Variants in CNBD2 observed in about 807,000 individuals in gnomAD.
CNBD2 encodes cyclic nucleotide-binding domain-containing protein 2.
In CNBD2, 64 loss-of-function variants were observed where a neutral mutation model predicts 63.7. The ratio of observed to expected loss-of-function variants is 1.00; its 90% CI spans 0.82 to 1.24. The LOEUF (loss-of-function observed/expected upper bound fraction) is 1.24, where lower values mean the gene tolerates loss of function less well. Among genes scored for constraint, CNBD2 ranks in the 50% most tolerant of loss-of-function variants. CNBD2 has a pLI of 0.00. For missense variants in CNBD2, 691 were observed against 713.5 expected, an observed-to-expected ratio of 0.97 and a Z score of 0.36; for synonymous variants, 229 against 255.4, an observed-to-expected ratio of 0.90 and a Z score of 0.99.
rs2056438927 is a variant in CNBD2 at position 35,972,712 on chromosome 20, A to G, written c.135A>G (p.Glu45=). ...GCCAAGGCCTCAGGGGATTCCGGGA[A>G]TATCAAATCATTGAGACTGCTCACT... ...MFRQGLRGFR[E]YQIIETAHWK... The change falls in exon 2 of 12, where the codon GAA becomes GAG. Residue 45 remains glutamate, a synonymous_variant. Coordinates refer to ENST00000373973, the MANE Select transcript of CNBD2 (RefSeq NM_001365709.1). 6.2e-7 allele frequency: 1 copy of G among 1,614,120 alleles called. No homozygotes were observed. The highest frequency in any genetic ancestry group is 8.5e-7 in the Non-Finnish European group (1 of 1,179,968).
At chr20:36,008,779 G>A (rs913628664) in intron 9 of CNBD2, among the ~76,000 whole-genome samples, 9 of 152,286 alleles carry the variant, frequency 5.9e-5, no homozygotes, top group South Asian at 2.1e-4. Flanking sequence ...CTGTCAGTCT[G>A]TGTGTTTCTG....
At chr20:35,970,420 A>G (rs2056396171) in intron 1 of CNBD2, among the ~76,000 whole-genome samples, 1 of 152,108 alleles carries the variant, frequency 6.6e-6, no homozygotes, top group South Asian at 2.1e-4. Flanking sequence ...TTTTTGAGAC[A>G]GAGTCTCACT....
At chr20:35,999,321 A>T (rs1188327357) in intron 8 of CNBD2, among the ~76,000 whole-genome samples, 1 of 151,800 alleles carries the variant, frequency 6.6e-6, no homozygotes, top group Admixed American at 6.6e-5. Context: ...GTTGGATTTG[A>T]CTCTACCATC....
At chr20:36,001,416 G>C (rs1334967318) in intron 8 of CNBD2, among the ~76,000 whole-genome samples, 1 of 151,012 alleles carries the variant, frequency 6.6e-6, no homozygotes, top group Admixed American at 6.6e-5. Context: ...GGGCAGAGGG[G>C]CTCCTCACTT....
chr20:35,957,029 T>A (rs1046557955), downstream of CNBD2, among the ~76,000 whole-genome samples: 3 of 152,162 alleles, frequency 2.0e-5, no homozygotes, highest in African/African-American at 7.2e-5. Flanking sequence ...TATCTTCTTG[T>A]GAAAGGGAAT....
downstream of CNBD2, among the ~76,000 whole-genome samples, chr20:35,960,164 C>T (rs527283603): frequency 2.0e-5 from 3 of 152,150 alleles, no homozygotes; most frequent in Non-Finnish European, 2.9e-5. Context: ...TACATATTGC[C>T]ACCTTTCTTT....
chr20:35,995,128 A>C lies in CNBD2; in HGVS notation c.946A>C (p.Arg316=), dbSNP rs111871999. The C allele has an allele frequency of 3.7e-4, 590 of 1,613,766 alleles. 2 individuals carry two copies. In the African/African-American group the frequency reaches 4.9e-3, roughly 13 times the overall value. The change falls in exon 8 of 12, where the codon AGA becomes CGA. Residue 316 remains arginine, a synonymous_variant. Transcript: ENST00000373973. The part of the protein sequence containing the change: ...IWQHLELIDG[R]PLKTHLSEYS... ...GCAGCACCTGGAGCTGATAGATGGC[A>C]GACCTCTGAAGACCCACCTGAGTGG...
chr20:35,961,803 T>C (rs1447645470), intron 2 of CNBD2, among the ~76,000 whole-genome samples: 2 of 152,102 alleles, frequency 1.3e-5, no homozygotes, highest in African/African-American at 4.8e-5. Flanking sequence ...GTATGTGAAT[T>C]GGTTTAGCCC....
chr20:35,987,369 T>G (rs2056682071), intron 6 of CNBD2, 26 bp from the exon 7 acceptor site: 1 of 1,613,584 alleles, frequency 6.2e-7, no homozygotes, highest in Non-Finnish European at 8.5e-7. Context: ...ATGGAGTTGA[T>G]GAATTCTAAC....
upstream of CNBD2, among the ~76,000 whole-genome samples, chr20:35,965,123 A>C (rs2056335413): frequency 6.6e-6 from 1 of 151,538 alleles, no homozygotes; most frequent in Admixed American, 6.6e-5. Context: ...CTTTGTAAGC[A>C]TTTGTTGTAT....
chr20:35,954,967 G>T (rs2056238329), exon 1 of CNBD2: 1 of 207,684 alleles, frequency 4.8e-6, no homozygotes, highest in Non-Finnish European at 1.1e-5. Flanking sequence ...AACTAGGAGG[G>T]CGATAGCACC....
In CNBD2 at chr20:35,993,432, A is replaced by C. The variant is rs547569711; in HGVS notation, c.856-1606A>C. On this transcript the variant is annotated intron_variant, in intron 7 of 11. Transcript: ENST00000373973. ...TCCTTGTTTCTGACTTCTTTTGCTCAACTGAATATTTGTTATTTTTAATTT... is the reference window on the plus strand; with the variant it reads ...TCCTTGTTTCTGACTTCTTTTGCTCCACTGAATATTTGTTATTTTTAATTT... Among the ~76,000 whole-genome samples the C allele has an allele frequency of 2.2e-4, 34 of 152,318 alleles. 1 individual carries two copies. The highest frequency in any genetic ancestry group is 8.2e-4 in the African/African-American group (34 of 41,560).
At chr20:36,006,647 G>A (rs2056989110) in intron 8 of CNBD2, among the ~76,000 whole-genome samples, 1 of 152,114 alleles carries the variant, frequency 6.6e-6, no homozygotes, top group African/African-American at 2.4e-5. Context: ...GAACTCCTGA[G>A]CTCAAGCGAT....
intron 4 of CNBD2, among the ~76,000 whole-genome samples, chr20:35,981,146 A>G (rs573235886): frequency 9.2e-5 from 14 of 152,290 alleles, no homozygotes; most frequent in Admixed American, 8.5e-4. Context: ...TGACAGCAAA[A>G]GCGACAGATG....
At chr20:35,981,640 A>G (rs1211859924) in intron 4 of CNBD2, among the ~76,000 whole-genome samples, 1 of 152,054 alleles carries the variant, frequency 6.6e-6, no homozygotes, top group Non-Finnish European at 1.5e-5. Flanking sequence ...TAGTCTCACT[A>G]TGTTGCTCAG....
intron 8 of CNBD2, among the ~76,000 whole-genome samples, chr20:36,004,995 G>T (rs2056965148): frequency 6.6e-6 from 1 of 152,150 alleles, no homozygotes; most frequent in Admixed American, 6.5e-5. Flanking sequence ...TTTAATAGTT[G>T]AGTTTTATTC....
At chr20:36,021,853 A>G (rs2057212965) in intron 10 of CNBD2, among the ~76,000 whole-genome samples, 1 of 152,160 alleles carries the variant, frequency 6.6e-6, no homozygotes, top group Non-Finnish European at 1.5e-5. Context: ...CAAAGTAGGA[A>G]TTCAAGCCAA....
At chr20:35,987,622 C>A in intron 7 of CNBD2, 89 bp downstream of exon 7, 4 of 1,463,238 alleles carry the variant, frequency 2.7e-6, no homozygotes, top group Non-Finnish European at 3.7e-6. Context: ...GAGTTTGAGC[C>A]CTTTTCTGCA....
At chr20:35,985,867 G>C (rs2056661118) in intron 6 of CNBD2, among the ~76,000 whole-genome samples, 1 of 152,156 alleles carries the variant, frequency 6.6e-6, no homozygotes, top group Non-Finnish European at 1.5e-5. Flanking sequence ...TGGTGACAGA[G>C]ACCAGATAGA....
Sources: gnomAD v4.1 joint callset for allele counts (sites outside exome capture counted in the v4.1 genomes callset) on GRCh38, gnomAD v4.1.1 for gene constraint, MANE v1.5 for transcripts, NCBI Gene and HGNC (gene_info 2026-07-23, HGNC 2026-07-21) for gene names.